RSU1: variants seen among roughly 807,000 people sequenced by gnomAD.
RSU1 encodes the protein Ras suppressor protein 1, also known as rsu-1.
Under a neutral mutation model 31.1 loss-of-function variants are expected in RSU1, and 26 were observed. That is an observed-to-expected ratio of 0.84 (90% CI 0.61 to 1.16). The LOEUF is 1.16. Ranked by LOEUF, RSU1 falls within the 50% of genes most tolerant of loss-of-function variation. The pLI is 0.00. For synonymous variants in RSU1, 164 were observed against 136.3 expected, an observed-to-expected ratio of 1.20 and a Z score of -1.41; for missense variants, 320 against 339.1, an observed-to-expected ratio of 0.94 and a Z score of 0.44.
Position 16,592,649 on chromosome 10 carries a change from T to C in RSU1, c.*745A>G, listed in dbSNP as rs2131446948. The C allele has an allele frequency of 6.6e-6, 1 of 152,322 alleles. No homozygotes were observed. Among genetic ancestry groups the C allele is most frequent in the African/African-American group, 2.4e-5 (1 of 41,564 alleles). The allele number at this position is 152,322 out of a possible 1,614,324, so 9.4% of individuals were successfully genotyped here. A position where few individuals can be genotyped will look rare whatever the true frequency, so the allele number is the denominator to read the frequency against. On this transcript the variant is annotated 3_prime_UTR_variant, in exon 9 of 9. Coordinates refer to ENST00000345264, the MANE Select transcript of RSU1 (RefSeq NM_012425.4). ...CATTTCTTCGGCGAAGGAATGCTAC[T>C]TTCCAAAATCCTTTGGCAGAATCTC... is the stretch of plus-strand genomic sequence containing the variant.
chr10:16,598,861 A>G (rs1833665721), intron 8 of RSU1, among the ~76,000 whole-genome samples: 1 of 152,242 alleles, frequency 6.6e-6, no homozygotes, highest in South Asian at 2.1e-4. Context: ...TGGGCCTGAC[A>G]GGGTGGCCTG....
chr10:16,601,385 TTGTATA>T (rs1833712186), intron 8 of RSU1, among the ~76,000 whole-genome samples: 1 of 152,150 alleles, frequency 6.6e-6, no homozygotes, highest in South Asian at 2.1e-4. Context: ...CTAAGTAAAG[TTGTATA>T]TGTATATTTC....
chr10:16,639,514 G>A (rs947290254), intron 8 of RSU1, among the ~76,000 whole-genome samples: 23 of 152,116 alleles, frequency 1.5e-4, no homozygotes, highest in African/African-American at 5.6e-4. Context: ...CGGGTTTAAA[G>A]GTAGAAACAA....
At chr10:16,594,338 C>A (rs1833568173) in intron 8 of RSU1, among the ~76,000 whole-genome samples, 1 of 152,084 alleles carries the variant, frequency 6.6e-6, no homozygotes, top group Non-Finnish European at 1.5e-5. Flanking sequence ...CCAGCTCCAG[C>A]ATCCACACAA....
intron 8 of RSU1, among the ~76,000 whole-genome samples, chr10:16,610,924 C>T (rs1833882180): frequency 6.6e-6 from 1 of 152,074 alleles, no homozygotes; most frequent in Non-Finnish European, 1.5e-5. Flanking sequence ...TTCCCAATGT[C>T]CTTATTTGTA....
At chr10:16,761,658 C>T (rs1341135752) in intron 4 of RSU1, among the ~76,000 whole-genome samples, 2 of 152,014 alleles carry the variant, frequency 1.3e-5, no homozygotes, top group African/African-American at 4.8e-5. Context: ...AGATAAAGAC[C>T]ATCCTGGCTA....
At chr10:16,723,751 G>C (rs550053222) in intron 7 of RSU1, among the ~76,000 whole-genome samples, 45 of 152,242 alleles carry the variant, frequency 3.0e-4, no homozygotes, top group African/African-American at 1.0e-3. Context: ...AGATGGACTA[G>C]AGGGTGGAGG....
intron 2 of RSU1, among the ~76,000 whole-genome samples, chr10:16,799,050 G>A (rs1235056258): frequency 6.6e-6 from 1 of 152,104 alleles, no homozygotes; most frequent in Non-Finnish European, 1.5e-5. Context: ...TTGTCCTAAG[G>A]ACTCCTAATG....
At chr10:16,753,818 G>C (rs1233264531) in intron 5 of RSU1, among the ~76,000 whole-genome samples, 1 of 152,014 alleles carries the variant, frequency 6.6e-6, no homozygotes, top group African/African-American at 2.4e-5. Context: ...ACCTAGGCTG[G>C]AGTGCAGTGG....
intron 4 of RSU1, among the ~76,000 whole-genome samples, chr10:16,757,157 AT>A (rs956839532): frequency 6.6e-6 from 1 of 151,254 alleles, no homozygotes; most frequent in African/African-American, 2.4e-5. Flanking sequence ...GTCTAAGGGA[AT>A]TTTTTTCTAC....
chr10:16,769,104 A>G (rs112384770), intron 3 of RSU1, among the ~76,000 whole-genome samples: 1,808 of 152,358 alleles, frequency 0.012, 31 homozygotes, highest in African/African-American at 0.04. Flanking sequence ...TCAGCAGCCC[A>G]CAAACTGTCT....
At chr10:16,812,350 G>A (rs7910024) in intron 2 of RSU1, among the ~76,000 whole-genome samples, 27,198 of 152,224 alleles carry the variant, frequency 0.18, 2,612 homozygotes, top group African/African-American at 0.24. Flanking sequence ...GCTGAGGCAG[G>A]AGAATCGCTT....
intron 8 of RSU1, among the ~76,000 whole-genome samples, chr10:16,611,760 T>C (rs1400148409): frequency 1.3e-5 from 2 of 152,222 alleles, no homozygotes; most frequent in African/African-American, 2.4e-5. Flanking sequence ...TCATGAATAC[T>C]GGGTGAAAGC....
chr10:16,650,508 G>A (rs1390899038), intron 8 of RSU1, among the ~76,000 whole-genome samples: 1 of 150,790 alleles, frequency 6.6e-6, no homozygotes, highest in Non-Finnish European at 1.5e-5. Flanking sequence ...AGAAAAGAAA[G>A]AGGCAGAAGA....
chr10:16,647,064 G>A (rs937641796), intron 8 of RSU1, among the ~76,000 whole-genome samples: 11 of 148,870 alleles, frequency 7.4e-5, no homozygotes, highest in Admixed American at 3.4e-4. Flanking sequence ...TGCAACCTCC[G>A]CCTCCCAGGT....
chr10:16,778,467 G>A (rs920977655), intron 3 of RSU1, among the ~76,000 whole-genome samples: 7 of 152,208 alleles, frequency 4.6e-5, no homozygotes, highest in African/African-American at 1.7e-4. Context: ...AGCCACTAAG[G>A]GCCCAGTCAC....
rs1291296567 is a variant in RSU1 at position 16,645,959 on chromosome 10, T to C, written c.731+49064A>G. Among the ~76,000 whole-genome samples the C allele has an allele frequency of 6.1e-4, 31 of 50,706 alleles. 1 individual carries two copies. Among genetic ancestry groups the C allele is most frequent in the Admixed American group, 1.5e-3 (7 of 4,580 alleles). 33.3% of individuals were successfully genotyped at this position (50,706 alleles called of 152,430 possible). On this transcript the variant is annotated intron_variant, in intron 8 of 8. Coordinates refer to ENST00000345264, the MANE Select transcript of RSU1 (RefSeq NM_012425.4). Reference sequence around the variant, plus strand: ...ATGTGTATATATATGTGTATATACATATATGTGTATATATATGTGTATATA... The same window carrying C: ...ATGTGTATATATATGTGTATATACACATATGTGTATATATATGTGTATATA...
intron 7 of RSU1, among the ~76,000 whole-genome samples, chr10:16,706,188 T>G (rs1342074644): frequency 3.3e-5 from 5 of 152,234 alleles, no homozygotes; most frequent in African/African-American, 1.2e-4. Context: ...ATGGTAGTTT[T>G]AATTTTTCGA....
At chr10:16,596,559 CTG>C (rs1410781895) in intron 8 of RSU1, among the ~76,000 whole-genome samples, 1 of 152,196 alleles carries the variant, frequency 6.6e-6, no homozygotes, top group African/African-American at 2.4e-5. Flanking sequence ...GGGTCTGACT[CTG>C]TGTCTTCACA....
Sources: gnomAD v4.1 joint callset for allele counts (sites outside exome capture counted in the v4.1 genomes callset) on GRCh38, gnomAD v4.1.1 for gene constraint, MANE v1.5 for transcripts, NCBI Gene and HGNC (gene_info 2026-07-23, HGNC 2026-07-21) for gene names.